MIDEAS: variants seen among roughly 807,000 people sequenced by gnomAD.
The protein encoded by MIDEAS is mitotic deacetylase associated SANT domain protein.
Under a neutral mutation model 102.7 loss-of-function variants are expected in MIDEAS, and 26 were observed. The observed-to-expected ratio is 0.25, with a 90% CI of 0.19 to 0.35. The LOEUF (loss-of-function observed/expected upper bound fraction) is 0.35. Ranked by LOEUF, MIDEAS falls within the 10% of genes least tolerant of loss-of-function variation. The pLI is 1.00. For synonymous variants in MIDEAS, 585 were observed against 591.0 expected (o/e 0.99, Z 0.15); for missense variants, 1,231 against 1,435.6 (o/e 0.86, Z 2.30).
intron 1 of MIDEAS, among the ~76,000 whole-genome samples, chr14:73,778,069 T>C (rs1209558223): frequency 4.0e-5 from 6 of 151,748 alleles, no homozygotes; most frequent in African/African-American, 1.2e-4. Context: ...TAAACCATGA[T>C]AGGGGCCAGG....
At position 73,719,442 on chromosome 14, in the gene MIDEAS, G is replaced by A; in HGVS notation, c.2997C>T (p.Gly999=). ...HESNAPGSAG[G]QASEKPREGT... ...CTTCCCTTGGCTTCTCCGAGGCCTG[G>A]CCACCGGCAGACCCAGGGGCGTTGG... The change falls in exon 12 of 13, where the codon GGC becomes GGT. Residue 999 remains glycine (G), a synonymous_variant. Transcript: ENST00000423556. 6 of 1,614,034 alleles carry A rather than the reference G, an allele frequency of 3.7e-6. No individual in the cohort carries two copies. The highest frequency in any genetic ancestry group is 5.1e-6 in the Non-Finnish European group (6 of 1,180,004).
At chr14:73,761,067 T>A (rs2053550218), upstream of MIDEAS, among the ~76,000 whole-genome samples, 1 of 151,860 alleles carries the variant, frequency 6.6e-6, no homozygotes, top group Non-Finnish European at 1.5e-5. Flanking sequence ...CCTTCCAAGT[T>A]TTTTGGTGGT....
chr14:73,746,985 C>G (rs1267608172), intron 1 of MIDEAS, among the ~76,000 whole-genome samples: 1 of 152,076 alleles, frequency 6.6e-6, no homozygotes, highest in Non-Finnish European at 1.5e-5. Context: ...GGTAAGTGAC[C>G]CCTGGGGACA....
chr14:73,719,515 A>G lies in MIDEAS; in HGVS notation c.2938-14T>C. Reference sequence around the variant, plus strand: ...GATGTCACTGGCCTGAAGAAAATCAAACAAGGAGAGTTGAGTGATCTGAGC... The same window carrying G: ...GATGTCACTGGCCTGAAGAAAATCAGACAAGGAGAGTTGAGTGATCTGAGC... On this transcript the variant is annotated splice_polypyrimidine_tract_variant and intron_variant, in intron 11 of 12. Transcript: ENST00000423556. 3.1e-6 allele frequency: 5 copies of G among 1,611,456 alleles called. No homozygotes were observed. Among genetic ancestry groups the G allele is most frequent in the South Asian group, 1.1e-5 (1 of 90,458 alleles).
intron 1 of MIDEAS, among the ~76,000 whole-genome samples, chr14:73,785,734 T>C (rs1204966679): frequency 3.9e-5 from 6 of 151,952 alleles, no homozygotes; most frequent in Admixed American, 3.9e-4. Context: ...TCCCACATTT[T>C]CTCCGGAGAC....
chr14:73,725,452 C>T lies in MIDEAS; in HGVS notation c.2486-92G>A, dbSNP rs568739829. 17 of 1,015,818 alleles carry T rather than the reference C, an allele frequency of 1.7e-5. No individual in the cohort carries two copies. Among genetic ancestry groups the T allele is most frequent in the Middle Eastern group, 2.8e-4 (1 of 3,550 alleles). The allele number at this position is 1,015,818 out of a possible 1,614,324, so 62.9% of individuals were successfully genotyped here. Reference sequence around the variant, plus strand: ...ACAAGCAAAAAAGTGTGAGGCCATCCGCCCATGGTTTCTGCAGGCATCAGA... The same window carrying T: ...ACAAGCAAAAAAGTGTGAGGCCATCTGCCCATGGTTTCTGCAGGCATCAGA... On this transcript the variant is annotated intron_variant, in intron 8 of 12. Transcript: ENST00000423556. The surrounding 1 kb of genome is among the most constrained non-coding windows in gnomAD (Gnocchi z 4.1).
chr14:73,751,805 C>T (rs1351952433), intron 1 of MIDEAS, among the ~76,000 whole-genome samples: 1 of 152,162 alleles, frequency 6.6e-6, no homozygotes, highest in Non-Finnish European at 1.5e-5. Context: ...GAGGCTGAGG[C>T]AGAAGAATCG....
chr14:73,772,587 GTT>G (rs200261598), intron 1 of MIDEAS, among the ~76,000 whole-genome samples: 7 of 149,820 alleles, frequency 4.7e-5, no homozygotes, highest in African/African-American at 1.7e-4. Context: ...TTTTGGTTTT[GTT>G]TTTTTTTCTT....
chr14:73,735,605 T>C (rs913809851), intron 3 of MIDEAS, among the ~76,000 whole-genome samples: 1 of 152,170 alleles, frequency 6.6e-6, no homozygotes, highest in Non-Finnish European at 1.5e-5. Flanking sequence ...AAGATACACC[T>C]TAAGTAGAAG....
intron 1 of MIDEAS, among the ~76,000 whole-genome samples, chr14:73,741,898 G>A (rs768202176): frequency 2.0e-5 from 3 of 152,134 alleles, no homozygotes; most frequent in Non-Finnish European, 4.4e-5. Flanking sequence ...GAGACTAGGA[G>A]GGCATCCAAG....
At chr14:73,771,851 T>C (rs1221556332) in intron 1 of MIDEAS, among the ~76,000 whole-genome samples, 1 of 152,236 alleles carries the variant, frequency 6.6e-6, no homozygotes, top group East Asian at 1.9e-4. Context: ...CCACCTGGGT[T>C]AGAAAAGGCT....
At chr14:73,787,759 G>T (rs148715087), upstream of MIDEAS, among the ~76,000 whole-genome samples, 48 of 152,306 alleles carry the variant, frequency 3.2e-4, no homozygotes, top group African/African-American at 1.1e-3. Context: ...CATTTCTACG[G>T]GTTATAAGTG....
In MIDEAS at chr14:73,718,924, C is replaced by T; in HGVS notation, c.3219G>A (p.Lys1073=). 2 of 1,526,964 alleles carry T rather than the reference C, an allele frequency of 1.3e-6. No homozygotes were observed. The highest frequency in any genetic ancestry group is 1.2e-5 in the South Asian group (1 of 83,184). 94.6% of individuals were successfully genotyped at this position (1,526,964 alleles called of 1,614,324 possible). The change falls in exon 13 of 13, where the codon AAG becomes AAA. Residue 1073 remains lysine (K), a synonymous_variant. Transcript: ENST00000423556. ...QEKKAAALRL[K]EKEAAAAAAA... ...CGGCGGCAGCAGCGGCCTCTTTCTC[C>T]TTCAGCCTCAGCGCTGCAGCCTTCT... is the stretch of plus-strand genomic sequence containing the variant.
chr14:73,757,365 T>C (rs371994343), intron 1 of MIDEAS, among the ~76,000 whole-genome samples: 1 of 145,232 alleles, frequency 6.9e-6, no homozygotes, highest in Non-Finnish European at 1.5e-5. Context: ...AATACTGAAA[T>C]GTGCTTTAAG....
At chr14:73,763,305 T>G (rs2053568197), upstream of MIDEAS, among the ~76,000 whole-genome samples, 1 of 152,200 alleles carries the variant, frequency 6.6e-6, no homozygotes. Context: ...GCCACTGCAC[T>G]CCATCCTGGG....
intron 1 of MIDEAS, among the ~76,000 whole-genome samples, chr14:73,779,767 C>G (rs1219650244): frequency 1.4e-5 from 2 of 141,102 alleles, no homozygotes; most frequent in South Asian, 4.6e-4. Context: ...TTAGTAGAGA[C>G]GGGGTTTCAC....
At chr14:73,720,735 T>C (rs889801934) in intron 11 of MIDEAS, among the ~76,000 whole-genome samples, 3 of 152,140 alleles carry the variant, frequency 2.0e-5, no homozygotes, top group African/African-American at 7.2e-5. Flanking sequence ...CTGGGGCAAG[T>C]CACTTAGCAT....
intron 1 of MIDEAS, among the ~76,000 whole-genome samples, chr14:73,751,724 A>C (rs1214360150): frequency 6.6e-6 from 1 of 152,108 alleles, no homozygotes; most frequent in Non-Finnish European, 1.5e-5. Context: ...AACATGGAGA[A>C]ACTCTGTCTC....
chr14:73,767,849 G>A (rs2053605085), intron 1 of MIDEAS, among the ~76,000 whole-genome samples: 1 of 152,152 alleles, frequency 6.6e-6, no homozygotes. Context: ...TCTCACATCT[G>A]TGAGGCAGCT....
Sources: allele counts gnomAD v4.1 joint callset (sites outside exome capture counted in the v4.1 genomes callset), GRCh38; gene constraint gnomAD v4.1.1; non-coding constraint Gnocchi (gnomAD v3.1); transcripts MANE v1.5; gene names NCBI Gene and HGNC (gene_info 2026-07-23, HGNC 2026-07-21).